The following TESK2 variants were observed in gnomAD, a reference collection of about 807,000 sequenced individuals.
The protein encoded by TESK2 is testis associated actin remodelling kinase 2.
Under a neutral mutation model 57.1 loss-of-function variants are expected in TESK2, and 39 were observed. That is an observed-to-expected ratio of 0.68 (90% CI 0.53 to 0.89). The LOEUF (loss-of-function observed/expected upper bound fraction) is 0.89, where lower values mean the gene tolerates loss of function less well. Among genes scored for constraint, TESK2 ranks in the 40% least tolerant of loss-of-function variants. TESK2 has a pLI of 0.00. For synonymous variants in TESK2, 249 were observed against 267.9 expected (o/e 0.93, Z 0.69); for missense variants, 646 against 732.1 (o/e 0.88, Z 1.36).
At chr1:45,484,900 G>A (rs1413087116) in intron 1 of TESK2, among the ~76,000 whole-genome samples, 1 of 149,964 alleles carries the variant, frequency 6.7e-6, no homozygotes, top group Non-Finnish European at 1.5e-5. Flanking sequence ...GCCTGGTGGC[G>A]GGCGCCTGTA....
chr1:45,357,240 AATGT>A (rs1304278990), intron 4 of TESK2, among the ~76,000 whole-genome samples: 49 of 122,382 alleles, frequency 4.0e-4, no homozygotes, highest in South Asian at 1.9e-3. Context: ...TAAATAAATA[AATGT>A]ATGTATGTAT....
intron 2 of TESK2, among the ~76,000 whole-genome samples, chr1:45,431,624 C>G (rs970205630): frequency 6.6e-6 from 1 of 152,150 alleles, no homozygotes; most frequent in Non-Finnish European, 1.5e-5. Flanking sequence ...ATCCAAAACA[C>G]CTCTGGTTCC....
intron 3 of TESK2, chr1:45,415,273 A>C: frequency 7.2e-7 from 1 of 1,383,614 alleles, no homozygotes; most frequent in Non-Finnish European, 1.0e-6. Flanking sequence ...TGTGGAGGCC[A>C]TGGGGCACTT....
In TESK2 at chr1:45,387,884, G is replaced by A. The variant is rs139590662; in HGVS notation, c.345-1924C>T. Among the ~76,000 whole-genome samples, 88 of 152,308 alleles carry A rather than the reference G, an allele frequency of 5.8e-4. No individual in the cohort carries two copies. In the East Asian group the frequency reaches 0.013, roughly 23 times the overall value. ...TAGCTGGGCATGGTAGCAGGTGCCT[G>A]TAGTCCCAGCTACTCAGGAGGCTGA... is the stretch of plus-strand genomic sequence containing the variant. On this transcript the variant is annotated intron_variant, in intron 3 of 10. Coordinates refer to ENST00000372086, the MANE Select transcript of TESK2 (RefSeq NM_007170.3).
At chr1:45,352,342 T>C (rs541936539) in intron 5 of TESK2, among the ~76,000 whole-genome samples, 181 of 152,356 alleles carry the variant, frequency 1.2e-3, no homozygotes, top group Admixed American at 2.8e-3. Flanking sequence ...CTCAAGTCAG[T>C]TGACACTGGG....
intron 2 of TESK2, among the ~76,000 whole-genome samples, chr1:45,455,324 G>A (rs1652026266): frequency 1.3e-5 from 2 of 152,148 alleles, no homozygotes; most frequent in African/African-American, 2.4e-5. Context: ...ACAGAGGAAC[G>A]GGATCTGCAA....
intron 4 of TESK2, among the ~76,000 whole-genome samples, chr1:45,381,886 A>AT (rs1469442645): frequency 2.3e-5 from 3 of 132,214 alleles, no homozygotes; most frequent in African/African-American, 6.0e-5. Context: ...TTTTTTTTTA[A>AT]GAGGTCTCTC....
At chr1:45,423,860 A>G (rs943139347) in intron 2 of TESK2, among the ~76,000 whole-genome samples, 10 of 152,182 alleles carry the variant, frequency 6.6e-5, no homozygotes, top group African/African-American at 2.4e-4. Context: ...ATAACACTTT[A>G]CTTGAGAAAG....
At chr1:45,404,897 C>T (rs1020000474) in intron 3 of TESK2, among the ~76,000 whole-genome samples, 1 of 152,004 alleles carries the variant, frequency 6.6e-6, no homozygotes, top group African/African-American at 2.4e-5. Flanking sequence ...CCTAAGGGCA[C>T]ACAATGAGCA....
chr1:45,472,076 C>G (rs1652788153), intron 1 of TESK2, among the ~76,000 whole-genome samples: 2 of 149,964 alleles, frequency 1.3e-5, no homozygotes, highest in African/African-American at 2.5e-5. Flanking sequence ...ACGGTGAAAC[C>G]CCGTCTCTAC....
intron 4 of TESK2, among the ~76,000 whole-genome samples, chr1:45,385,710 G>GTGTATATATATATATATA (rs947905047): frequency 2.8e-4 from 38 of 135,290 alleles, no homozygotes; most frequent in African/African-American, 1.1e-3. Context: ...GTGTGTGTGT[G>GTGTATATATATATATATA]TATATATATA....
At chr1:45,398,997 A>AC (rs768650104) in intron 3 of TESK2, 23 of 434,114 alleles carry the variant, frequency 5.3e-5, no homozygotes, top group East Asian at 2.8e-4. Context: ...AAAAAAAAAA[A>AC]AAAAAAAAAA....
chr1:45,366,928 G>C (rs930288142), intron 4 of TESK2, among the ~76,000 whole-genome samples: 11 of 152,146 alleles, frequency 7.2e-5, no homozygotes, highest in Non-Finnish European at 4.4e-5. Context: ...GAGCTCACGA[G>C]TTCGAGACCA....
At chr1:45,483,992 TTC>T in intron 1 of TESK2, among the ~76,000 whole-genome samples, 1 of 132,394 alleles carries the variant, frequency 7.6e-6, no homozygotes, top group Middle Eastern at 3.6e-3. Flanking sequence ...CAGCAAGAGA[TTC>T]TGTCTTAAAA....
intron 5 of TESK2, among the ~76,000 whole-genome samples, chr1:45,352,551 G>T (rs138907152): frequency 2.0e-5 from 3 of 152,320 alleles, no homozygotes; most frequent in African/African-American, 7.2e-5. Flanking sequence ...AGGAAGCCTA[G>T]CTACCCTGGC....
chr1:45,399,473 C>T (rs1649511376), intron 3 of TESK2, among the ~76,000 whole-genome samples: 1 of 152,188 alleles, frequency 6.6e-6, no homozygotes, highest in Non-Finnish European at 1.5e-5. Context: ...CGCCACCACA[C>T]CCAGCTAATT....
At chr1:45,415,524 T>C (rs1315431256) in intron 3 of TESK2, among the ~76,000 whole-genome samples, 2 of 152,102 alleles carry the variant, frequency 1.3e-5, no homozygotes, top group African/African-American at 4.8e-5. Context: ...GAGTTAAGTT[T>C]ATGATTACGA....
At chr1:45,385,039 C>T (rs989126640) in intron 4 of TESK2, among the ~76,000 whole-genome samples, 1 of 152,154 alleles carries the variant, frequency 6.6e-6, no homozygotes, top group Non-Finnish European at 1.5e-5. Context: ...AAAACCAACA[C>T]TCTTGCAAAT....
At chr1:45,384,381 A>ATCTGTCTGTCTG (rs201603264) in intron 4 of TESK2, among the ~76,000 whole-genome samples, 19 of 134,768 alleles carry the variant, frequency 1.4e-4, no homozygotes, top group African/African-American at 5.5e-4. Flanking sequence ...CTATCTATCT[A>ATCTGTCTGTCTG]TCTATCTGTC....
Sources: allele counts gnomAD v4.1 joint callset (sites outside exome capture counted in the v4.1 genomes callset), GRCh38; gene constraint gnomAD v4.1.1; transcripts MANE v1.5; gene names NCBI Gene and HGNC (gene_info 2026-07-23, HGNC 2026-07-21).